MYO16: variants seen among roughly 807,000 people sequenced by gnomAD.
The protein encoded by MYO16 is myosin XVI, also known as unconventional myosin-XVI.
A neutral mutation model predicts 205.3 loss-of-function variants in MYO16; 94 were observed. That is an observed-to-expected ratio of 0.46 (90% CI 0.39 to 0.54). The LOEUF (loss-of-function observed/expected upper bound fraction) is 0.54, where lower values mean the gene tolerates loss of function less well. Ranked by LOEUF, MYO16 falls within the 20% of genes least tolerant of loss-of-function variation. The pLI is 0.00. For missense variants in MYO16, 2,315 were observed against 2,387.5 expected, an observed-to-expected ratio of 0.97 and a Z score of 0.63; for synonymous variants, 988 against 954.0, an observed-to-expected ratio of 1.04 and a Z score of -0.66.
chr13:109,192,437 T>G (rs1879962153), intron 34 of MYO16, among the ~76,000 whole-genome samples: 1 of 152,210 alleles, frequency 6.6e-6, no homozygotes, highest in African/African-American at 2.4e-5. Flanking sequence ...GTACCCACAT[T>G]ATTTGTTCTG....
intron 2 of MYO16, among the ~76,000 whole-genome samples, chr13:108,697,699 G>A (rs2139510727): frequency 1.3e-5 from 2 of 152,088 alleles, no homozygotes; most frequent in East Asian, 3.9e-4. Flanking sequence ...ACAAAGGGAT[G>A]TGTATTACTC....
intron 34 of MYO16, among the ~76,000 whole-genome samples, chr13:109,196,524 A>G (rs930210675): frequency 1.3e-5 from 2 of 152,198 alleles, no homozygotes; most frequent in Non-Finnish European, 2.9e-5. Flanking sequence ...AGGCACAGAC[A>G]TTCATTGAAT....
chr13:109,129,175 A>G (rs981696945), intron 31 of MYO16, among the ~76,000 whole-genome samples: 1 of 152,010 alleles, frequency 6.6e-6, no homozygotes, highest in Non-Finnish European at 1.5e-5. Context: ...AGTGGCATTA[A>G]GAAAGAATAG....
chr13:108,720,284 G>T (rs143892617), intron 3 of MYO16, among the ~76,000 whole-genome samples: 4 of 152,176 alleles, frequency 2.6e-5, no homozygotes, highest in Non-Finnish European at 5.9e-5. Context: ...GAAAGGGCCG[G>T]TCTGCGGTAT....
intron 2 of MYO16, among the ~76,000 whole-genome samples, chr13:108,677,356 CATAT>C (rs200135645): frequency 0.065 from 6,420 of 98,514 alleles, 184 homozygotes; most frequent in Middle Eastern, 0.19. Flanking sequence ...TATATATATG[CATAT>C]ATATATATAT....
chr13:109,180,104 T>C (rs1879394512), intron 34 of MYO16, among the ~76,000 whole-genome samples: 1 of 152,144 alleles, frequency 6.6e-6, no homozygotes, highest in Non-Finnish European at 1.5e-5. Flanking sequence ...ATTTAAAATA[T>C]GACATATGAT....
chr13:108,557,836 A>G, the MYO16 span, among the ~76,000 whole-genome samples: 2 of 152,214 alleles, frequency 1.3e-5, no homozygotes, highest in African/African-American at 4.8e-5. Context: ...AAAAATGAGC[A>G]TTACATATGC....
intron 16 of MYO16, among the ~76,000 whole-genome samples, chr13:108,955,144 C>G (rs572906086): frequency 6.6e-6 from 1 of 152,364 alleles, no homozygotes; most frequent in East Asian, 1.9e-4. Flanking sequence ...TGAGATGGCA[C>G]CAGCCTTCAG....
rs1459068103 is a variant in MYO16 at position 108,741,013 on chromosome 13, T to C, written c.507+13430T>C. ...CAGTATTAGGGTGGGAGTGACCCGA[T>C]TTTCCAGGTGCTGTCTGTCATGGCT... is the stretch of plus-strand genomic sequence containing the variant. On this transcript the variant is annotated intron_variant, in intron 4 of 34. Transcript: ENST00000457511. Among the ~76,000 whole-genome samples, 5 of 152,092 alleles carry C rather than the reference T, an allele frequency of 3.3e-5. No homozygotes were observed. The South Asian group carries it at 1.0e-3, about 32-fold the overall frequency.
At chr13:108,707,823 A>G (rs1883570654) in intron 2 of MYO16, among the ~76,000 whole-genome samples, 1 of 152,288 alleles carries the variant, frequency 6.6e-6, no homozygotes, top group South Asian at 2.1e-4. Context: ...GTGTGTGTGC[A>G]TGTGTTTTTT....
intron 2 of MYO16, among the ~76,000 whole-genome samples, chr13:108,670,097 T>C (rs1881921147): frequency 6.6e-6 from 1 of 152,082 alleles, no homozygotes; most frequent in Non-Finnish European, 1.5e-5. Context: ...AAATTAAAAA[T>C]AAAATAAAAA....
chr13:108,609,369 G>A (rs141263326), intron 1 of MYO16, among the ~76,000 whole-genome samples: 230 of 152,302 alleles, frequency 1.5e-3, no homozygotes, highest in African/African-American at 5.2e-3. Context: ...GTTCCTTAAC[G>A]CTTAGCCTTT....
chr13:108,852,076 T>C (rs549723101), intron 10 of MYO16, among the ~76,000 whole-genome samples: 1 of 152,264 alleles, frequency 6.6e-6, no homozygotes, highest in East Asian at 1.9e-4. Context: ...CCTTTTAAAA[T>C]TATGTCCAAT....
Position 109,148,880 on chromosome 13 carries a change from G to C in MYO16, c.5164+7504G>C, listed in dbSNP as rs116776124. ...GATGATGGGTGGATGGAGCTCTCTAGGTGCAGAAGTCAGGGTAATAGACAC... is the reference window on the plus strand; with the variant it reads ...GATGATGGGTGGATGGAGCTCTCTACGTGCAGAAGTCAGGGTAATAGACAC... On this transcript the variant is annotated intron_variant, in intron 32 of 34. Coordinates refer to ENST00000457511, the MANE Select transcript of MYO16 (RefSeq NM_001198950.3). 9.1e-3 allele frequency among the ~76,000 whole-genome samples: 1,389 copies of C among 152,274 alleles called. 17 individuals are homozygous for C. Among genetic ancestry groups the C allele is most frequent in the African/African-American group, 0.032 (1,324 of 41,548 alleles).
chr13:108,767,604 T>C (rs1885824778), intron 4 of MYO16, among the ~76,000 whole-genome samples: 11 of 152,222 alleles, frequency 7.2e-5, no homozygotes, highest in African/African-American at 2.4e-4. Flanking sequence ...TTCTTGCCTT[T>C]AATTGAAATT....
At chr13:108,684,520 T>C (rs1469379409) in intron 2 of MYO16, among the ~76,000 whole-genome samples, 1 of 152,194 alleles carries the variant, frequency 6.6e-6, no homozygotes. Flanking sequence ...ATTTGATCTC[T>C]GACCTTAGTT....
intron 16 of MYO16, among the ~76,000 whole-genome samples, chr13:108,922,058 C>T (rs751224052): frequency 3.2e-4 from 48 of 152,328 alleles, no homozygotes; most frequent in Middle Eastern, 3.4e-3. Flanking sequence ...TCTGGTCTTG[C>T]TCCTAGCGTA....
At chr13:108,948,437 C>T (rs1883017085) in intron 16 of MYO16, among the ~76,000 whole-genome samples, 1 of 152,166 alleles carries the variant, frequency 6.6e-6, no homozygotes, top group Non-Finnish European at 1.5e-5. Context: ...TATACTTGAA[C>T]CTTCAATCCC....
chr13:108,590,923 T>A, the MYO16 span, among the ~76,000 whole-genome samples: 1 of 152,346 alleles, frequency 6.6e-6, no homozygotes, highest in African/African-American at 2.4e-5. Flanking sequence ...TAAGCCACCA[T>A]GTTTGTGCTA....
Sources: gnomAD v4.1 joint callset for allele counts (sites outside exome capture counted in the v4.1 genomes callset) on GRCh38, gnomAD v4.1.1 for gene constraint, MANE v1.5 for transcripts, NCBI Gene and HGNC (gene_info 2026-07-23, HGNC 2026-07-21) for gene names.